The following ANKRD18A variants were observed in gnomAD, a reference collection of about 807,000 sequenced individuals.
ANKRD18A encodes the protein ankyrin repeat domain-containing protein 18A.
A neutral mutation model predicts 110.6 loss-of-function variants in ANKRD18A; 72 were observed. The observed-to-expected ratio is 0.65, with a 90% confidence interval of 0.54 to 0.79. ANKRD18A has a LOEUF of 0.79. Among genes scored for constraint, ANKRD18A ranks in the 30% least tolerant of loss-of-function variants. The pLI, the probability that ANKRD18A is intolerant of heterozygous loss-of-function variation, is 0.00. For synonymous variants in ANKRD18A, 305 were observed against 410.3 expected (o/e 0.74, Z 3.10); for missense variants, 934 against 1,163.3 (o/e 0.80, Z 2.87).
At chr9:38,591,864 A>G (rs1824663695) in intron 10 of ANKRD18A, among the ~76,000 whole-genome samples, 1 of 152,082 alleles carries the variant, frequency 6.6e-6, no homozygotes, top group Admixed American at 6.5e-5. Flanking sequence ...AAAACCCTGG[A>G]CTCTATTGCT....
At chr9:38,609,202 G>A (rs538608022) in intron 5 of ANKRD18A, among the ~76,000 whole-genome samples, 13 of 151,990 alleles carry the variant, frequency 8.6e-5, no homozygotes, top group Admixed American at 1.3e-4. Context: ...GCTGTGGGCC[G>A]GGCGCGGTGG....
At chr9:38,587,098 G>C (rs1824418913) in intron 11 of ANKRD18A, among the ~76,000 whole-genome samples, 2 of 152,100 alleles carry the variant, frequency 1.3e-5, no homozygotes, top group African/African-American at 4.8e-5. Flanking sequence ...ATTCAATGTA[G>C]AAAAAGAGAA....
At chr9:38,579,013 G>T (rs1457740029) in intron 12 of ANKRD18A, among the ~76,000 whole-genome samples, 1 of 152,152 alleles carries the variant, frequency 6.6e-6, no homozygotes, top group African/African-American at 2.4e-5. Context: ...AAAGGCCATA[G>T]AATACAGCAC....
At chr9:38,586,045 C>T (rs1224154227) in intron 12 of ANKRD18A, 138 bp downstream of exon 12, 10 of 949,770 alleles carry the variant, frequency 1.1e-5, no homozygotes, top group Non-Finnish European at 1.4e-5. Flanking sequence ...TAGCTAATGC[C>T]TACGGGGCTT....
chr9:38,616,253 G>C (rs1733999843), intron 1 of ANKRD18A, among the ~76,000 whole-genome samples: 1 of 152,142 alleles, frequency 6.6e-6, no homozygotes, highest in African/African-American at 2.4e-5. Flanking sequence ...CTTGGTGTTT[G>C]GATTCAGCTT....
At chr9:38,591,597 GTTTT>G (rs1319438310) in intron 10 of ANKRD18A, among the ~76,000 whole-genome samples, 3 of 152,224 alleles carry the variant, frequency 2.0e-5, no homozygotes, top group Non-Finnish European at 4.4e-5. Context: ...AATTTTCACT[GTTTT>G]TTATCTCTTG....
intron 14 of ANKRD18A, among the ~76,000 whole-genome samples, chr9:38,575,959 G>T (rs1217468641): frequency 2.6e-5 from 4 of 152,182 alleles, no homozygotes; most frequent in Non-Finnish European, 4.4e-5. Context: ...GGCTATCAGT[G>T]ATGTACGGCT....
At chr9:38,619,840 G>T (rs931652627) in intron 1 of ANKRD18A, among the ~76,000 whole-genome samples, 1 of 152,198 alleles carries the variant, frequency 6.6e-6, no homozygotes, top group Non-Finnish European at 1.5e-5. Flanking sequence ...TCCCTATCAT[G>T]TATATGGCCC....
rs1254606226 is a variant in ANKRD18A at position 38,575,568 on chromosome 9, C to T, written c.2872G>A (p.Glu958Lys). Reference protein sequence around the residue: ...LPCVENLNSIELNRKYIPKTA... With the variant: ...LPCVENLNSIKLNRKYIPKTA... ...TTGGGAATATATTTTCTGTTGAGTT[C>T]TATACTATTAAGATTTTCAACACAA... The change falls in exon 15 of 16, where the codon GAA (glutamate) becomes AAA (lysine). Residue 958 changes from glutamate (E) to lysine (K), a missense_variant. Glu to Lys is a moderately conservative substitution (Grantham distance 56, BLOSUM62 1). Coordinates refer to ENST00000399703, the MANE Select transcript of ANKRD18A (RefSeq NM_147195.4). 6.4e-7 allele frequency: 1 copy of T among 1,551,318 alleles called. No homozygotes were observed. The highest frequency in any genetic ancestry group is 8.7e-7 in the Non-Finnish European group (1 of 1,146,806).
chr9:38,602,554 C>T (rs1825165443), intron 7 of ANKRD18A, among the ~76,000 whole-genome samples: 2 of 152,092 alleles, frequency 1.3e-5, no homozygotes, highest in Non-Finnish European at 2.9e-5. Flanking sequence ...TTCTGAAAGC[C>T]TTATATAAAC....
chr9:38,580,468 G>A (rs1824110489), intron 12 of ANKRD18A, among the ~76,000 whole-genome samples: 1 of 152,164 alleles, frequency 6.6e-6, no homozygotes, highest in Non-Finnish European at 1.5e-5. Flanking sequence ...AGGGGAGTCT[G>A]GTTAATGGAT....
chr9:38,590,715 C>T (rs1485280764), intron 10 of ANKRD18A, among the ~76,000 whole-genome samples: 1 of 152,124 alleles, frequency 6.6e-6, no homozygotes, highest in Non-Finnish European at 1.5e-5. Flanking sequence ...TGGGAAGCTT[C>T]AGTAAGTAGA....
chr9:38,603,265 T>C, intron 6 of ANKRD18A, 53 bp from the exon 7 acceptor site: 1 of 1,549,210 alleles, frequency 6.5e-7, no homozygotes, highest in Non-Finnish European at 8.7e-7. Flanking sequence ...ATCATCCCTC[T>C]GCCTCCTTAC....
chr9:38,574,287 C>T (rs1185415966), intron 15 of ANKRD18A, among the ~76,000 whole-genome samples: 1 of 152,184 alleles, frequency 6.6e-6, no homozygotes, highest in Non-Finnish European at 1.5e-5. Flanking sequence ...TTCCAATCTA[C>T]CTTGGATTTT....
At position 38,610,454 on chromosome 9, in the gene ANKRD18A, G is replaced by T. The variant is rs1825563607; in HGVS notation, c.603-44C>A. 6 of 1,511,984 alleles carry T rather than the reference G, an allele frequency of 4.0e-6. No homozygotes were observed. The Admixed American group carries it at 9.3e-5, about 24-fold the overall frequency. 93.7% of individuals were successfully genotyped at this position (1,511,984 alleles called of 1,614,324 possible). On this transcript the variant is annotated intron_variant, in intron 4 of 15. Transcript: ENST00000399703. ...AACAGCACTCAAGAACTTTGATGAA[G>T]ATATTTAATTAGCAAATTGGATACA...
chr9:38,585,425 T>C (rs1362540116), intron 12 of ANKRD18A, among the ~76,000 whole-genome samples: 1 of 152,200 alleles, frequency 6.6e-6, no homozygotes, highest in South Asian at 2.1e-4. Context: ...GTCTTCCTCA[T>C]ATTGATTTAT....
chr9:38,571,693 T>G lies in ANKRD18A; in HGVS notation c.*352A>C. The G allele has an allele frequency of 9.7e-6, 10 of 1,034,954 alleles. No individual in the cohort carries two copies. Among genetic ancestry groups the G allele is most frequent in the Non-Finnish European group, 1.0e-5 (9 of 863,174 alleles). The allele number at this position is 1,034,954 out of a possible 1,614,324, so 64.1% of individuals were successfully genotyped here. A position where few individuals can be genotyped will look rare whatever the true frequency, so the allele number is the denominator to read the frequency against. On this transcript the variant is annotated 3_prime_UTR_variant, in exon 16 of 16. Coordinates refer to ENST00000399703, the MANE Select transcript of ANKRD18A (RefSeq NM_147195.4). ...CTTTACTAAAGTATCAATGATGACT[T>G]GGTTGTTTGGCTGTTTAAACAGCTG...
Position 38,615,971 on chromosome 9 carries a change from T to C in ANKRD18A, c.280A>G (p.Ile94Val), listed in dbSNP as rs759341664. 1 of 1,586,460 alleles carries C rather than the reference T, an allele frequency of 6.3e-7. No individual in the cohort carries two copies. Among genetic ancestry groups the C allele is most frequent in the Non-Finnish European group, 8.6e-7 (1 of 1,165,264 alleles). The change falls in exon 2 of 16, where the codon ATC becomes GTC. Residue 94 changes from isoleucine to valine, a missense_variant. Physicochemically the swap from Ile to Val is conservative, Grantham distance 29 (BLOSUM62 3). Transcript: ENST00000399703. The stretch of plus-strand genomic sequence containing the variant: ...CTGTTTAGTCTGTCACAGATGTCGA[T>C]CTGGCATCTTCTGTGCAGCAAGAGA... Reference protein sequence around the residue: ...VTLLLHRRCQIDICDRLNRTP... With the variant: ...VTLLLHRRCQVDICDRLNRTP...
chr9:38,603,986 G>A (rs554465156), intron 6 of ANKRD18A, among the ~76,000 whole-genome samples: 3 of 152,250 alleles, frequency 2.0e-5, no homozygotes, highest in African/African-American at 7.2e-5. Flanking sequence ...TGAGCATGTG[G>A]TGTGACCCAG....
Sources: allele counts gnomAD v4.1 joint callset (sites outside exome capture counted in the v4.1 genomes callset), GRCh38; gene constraint gnomAD v4.1.1; transcripts MANE v1.5; gene names NCBI Gene and HGNC (gene_info 2026-07-23, HGNC 2026-07-21).